ZNF143: variants seen among roughly 807,000 people sequenced by gnomAD.
ZNF143 encodes the protein zinc finger protein 143.
In ZNF143, 49 loss-of-function variants were observed where a neutral mutation model predicts 74.1. The ratio of observed to expected loss-of-function variants is 0.66; its 90% CI spans 0.53 to 0.84. ZNF143 has a LOEUF of 0.84. Among genes scored for constraint, ZNF143 ranks in the 40% least tolerant of loss-of-function variants. The probability of loss-of-function intolerance (pLI) is 0.00; values close to 1 mark genes in which losing one functional copy is unlikely to be tolerated. For synonymous variants in ZNF143, 304 were observed against 282.8 expected, an observed-to-expected ratio of 1.07 and a Z score of -0.75; for missense variants, 637 against 793.4, an observed-to-expected ratio of 0.80 and a Z score of 2.37.
intron 14 of ZNF143, among the ~76,000 whole-genome samples, chr11:9,521,067 C>A (rs1299057007): frequency 6.6e-6 from 1 of 152,126 alleles, no homozygotes; most frequent in Non-Finnish European, 1.5e-5. Context: ...TCCCTGCCCC[C>A]ACACATACAT....
chr11:9,511,579 G>A (rs904948598), intron 12 of ZNF143, among the ~76,000 whole-genome samples: 16 of 151,562 alleles, frequency 1.1e-4, no homozygotes, highest in African/African-American at 3.9e-4. Context: ...TGGGATTACA[G>A]GTGTGAGCCA....
chr11:9,474,422 G>A, intron 4 of ZNF143, 128 bp from the exon 5 acceptor site: 1 of 908,302 alleles, frequency 1.1e-6, no homozygotes, highest in Non-Finnish European at 1.7e-6. Flanking sequence ...TTACTTAAAT[G>A]TTCAAAGACT....
intron 7 of ZNF143, among the ~76,000 whole-genome samples, chr11:9,491,580 G>C (rs1847778533): frequency 6.6e-6 from 1 of 151,916 alleles, no homozygotes; most frequent in African/African-American, 2.4e-5. Flanking sequence ...CGGAGCTACA[G>C]TGAGCGGAGA....
intron 8 of ZNF143, among the ~76,000 whole-genome samples, chr11:9,495,530 A>G (rs186296256): frequency 6.6e-6 from 1 of 152,362 alleles, no homozygotes; most frequent in East Asian, 1.9e-4. Flanking sequence ...AATAATAGCT[A>G]AGATTTGTTA....
chr11:9,517,292 C>T (rs570387955), intron 14 of ZNF143, among the ~76,000 whole-genome samples: 1 of 151,890 alleles, frequency 6.6e-6, no homozygotes, highest in South Asian at 2.1e-4. Flanking sequence ...ATATAGAGAA[C>T]TTCCTCATTC....
intron 7 of ZNF143, among the ~76,000 whole-genome samples, chr11:9,492,079 C>T (rs1057438025): frequency 4.0e-5 from 6 of 150,106 alleles, no homozygotes; most frequent in African/African-American, 1.5e-4. Context: ...GCTGGGATTA[C>T]AGGCATTCGC....
chr11:9,525,176 C>G, intron 14 of ZNF143, 64 bp from the exon 15 acceptor site: 1 of 1,587,412 alleles, frequency 6.3e-7, no homozygotes, highest in Non-Finnish European at 8.6e-7. Flanking sequence ...ATTAAGTGGA[C>G]TTTAACCTAT....
At chr11:9,520,407 A>C in intron 14 of ZNF143, among the ~76,000 whole-genome samples, 1 of 144,338 alleles carries the variant, frequency 6.9e-6, no homozygotes, top group African/African-American at 2.6e-5. Flanking sequence ...CTGAAGTGGG[A>C]GGATCACTTA....
At chr11:9,479,711 C>T (rs988717715) in intron 7 of ZNF143, among the ~76,000 whole-genome samples, 165 bp downstream of exon 7, 5 of 152,074 alleles carry the variant, frequency 3.3e-5, no homozygotes, top group Non-Finnish European at 7.4e-5. Flanking sequence ...GCCTGAGGTC[C>T]CAGTGTTCAT....
At chr11:9,468,252 A>T (rs1856364374) in intron 1 of ZNF143, among the ~76,000 whole-genome samples, 1 of 152,164 alleles carries the variant, frequency 6.6e-6, no homozygotes, top group Non-Finnish European at 1.5e-5. Flanking sequence ...TTTTCACATC[A>T]ATAGTTCAGT....
intron 10 of ZNF143, among the ~76,000 whole-genome samples, chr11:9,500,765 A>G (rs1362045155): frequency 1.3e-5 from 2 of 152,204 alleles, no homozygotes; most frequent in Non-Finnish European, 2.9e-5. Flanking sequence ...TTTAATTCAT[A>G]TTCCTGACTG....
At chr11:9,515,742 A>G (rs925040820) in intron 13 of ZNF143, among the ~76,000 whole-genome samples, 1 of 151,844 alleles carries the variant, frequency 6.6e-6, no homozygotes, top group Non-Finnish European at 1.5e-5. Flanking sequence ...CACTTTTGGG[A>G]GGCTGAAGTG....
At chr11:9,490,467 G>T (rs1847731736) in intron 7 of ZNF143, among the ~76,000 whole-genome samples, 1 of 150,918 alleles carries the variant, frequency 6.6e-6, no homozygotes, top group African/African-American at 2.4e-5. Flanking sequence ...TATTTTTTTT[G>T]TAGAGATGGG....
At position 9,478,460 on chromosome 11, in the gene ZNF143, A is replaced by G. The variant is rs1847106889; in HGVS notation, c.444A>G (p.Ala148=). 1 of 1,614,200 alleles carries G rather than the reference A, an allele frequency of 6.2e-7. No individual in the cohort carries two copies. The highest frequency in any genetic ancestry group is 1.1e-5 in the South Asian group (1 of 91,090). Residue 148 remains alanine (A), a synonymous_variant, in exon 6 of 16, where the codon GCA becomes GCG. Transcript: ENST00000396602. ...EDGTTAYIHH[A]VQVPQSDTIL... ...GTACCACAGCTTATATCCACCATGC[A>G]GTGCAAGTCCCGCAGTCTGACACCA...
chr11:9,476,410 G>A (rs933406360), intron 5 of ZNF143, among the ~76,000 whole-genome samples: 4 of 151,946 alleles, frequency 2.6e-5, no homozygotes, highest in African/African-American at 4.8e-5. Context: ...GTCTCGCTCT[G>A]TTGCCAGGCT....
chr11:9,524,866 A>G (rs1356198006), intron 14 of ZNF143, among the ~76,000 whole-genome samples: 4 of 152,192 alleles, frequency 2.6e-5, no homozygotes, highest in Middle Eastern at 3.2e-3. Context: ...ATTTTCTCCT[A>G]TGAGCCAATC....
At chr11:9,523,642 G>C (rs1223234555) in intron 14 of ZNF143, among the ~76,000 whole-genome samples, 1 of 151,318 alleles carries the variant, frequency 6.6e-6, no homozygotes, top group Non-Finnish European at 1.5e-5. Context: ...GCTGAGGCAG[G>C]AGAATGGCGT....
intron 14 of ZNF143, among the ~76,000 whole-genome samples, chr11:9,522,765 A>G (rs1009727220): frequency 4.6e-5 from 7 of 151,702 alleles, no homozygotes; most frequent in African/African-American, 1.7e-4. Flanking sequence ...GAGTGTTGGG[A>G]TTACAGGTGT....
At chr11:9,522,046 A>C (rs1324900530) in intron 14 of ZNF143, among the ~76,000 whole-genome samples, 1 of 147,826 alleles carries the variant, frequency 6.8e-6, no homozygotes, top group Non-Finnish European at 1.5e-5. Context: ...AGCCTGGGCG[A>C]CAGAGGGAGA....
Sources: gnomAD v4.1 joint callset for allele counts (sites outside exome capture counted in the v4.1 genomes callset) on GRCh38, gnomAD v4.1.1 for gene constraint, MANE v1.5 for transcripts, NCBI Gene and HGNC (gene_info 2026-07-23, HGNC 2026-07-21) for gene names.